The following TRPC6 variants were observed in gnomAD, a reference collection of about 807,000 sequenced individuals.
The protein encoded by TRPC6 is transient receptor potential cation channel subfamily C member 6.
TRPC6 carries 55 observed loss-of-function variants against 90.7 expected under a neutral mutation model. The ratio of observed to expected loss-of-function variants is 0.61; its 90% CI spans 0.49 to 0.76. The LOEUF is 0.76. TRPC6 is among the 30% of genes least tolerant of loss of function. The pLI is 0.00. For missense variants in TRPC6, 989 were observed against 1,122.7 expected, an observed-to-expected ratio of 0.88 and a Z score of 1.70; for synonymous variants, 393 against 393.0, an observed-to-expected ratio of 1.00 and a Z score of 0.00.
intron 1 of TRPC6, among the ~76,000 whole-genome samples, chr11:101,552,636 T>C (rs1861474285): frequency 6.6e-6 from 1 of 152,128 alleles, no homozygotes. Context: ...CAACAAATCC[T>C]ACAAGAAGTT....
At chr11:101,495,787 C>A (rs994218717) in intron 2 of TRPC6, among the ~76,000 whole-genome samples, 1 of 151,938 alleles carries the variant, frequency 6.6e-6, no homozygotes, top group Non-Finnish European at 1.5e-5. Flanking sequence ...CACAACAAAT[C>A]TTTTACACAC....
At chr11:101,565,989 C>T (rs994889541) in intron 1 of TRPC6, among the ~76,000 whole-genome samples, 2 of 152,114 alleles carry the variant, frequency 1.3e-5, no homozygotes, top group South Asian at 2.1e-4. Flanking sequence ...ATTTAATGCA[C>T]AGCACTCTTT....
In TRPC6 at chr11:101,483,032, C is replaced by T. The variant is rs1419291323; in HGVS notation, c.1427G>A (p.Ser476Asn). Reference protein sequence around the residue: ...EGTKLLPNETSTDNAKQLFRM... With the variant: ...EGTKLLPNETNTDNAKQLFRM... The stretch of plus-strand genomic sequence containing the variant: ...GAACAGCTGTTTTGCATTATCTGTG[C>T]TGGTTTCATTAGGAAGGAGTTTTGT... Residue 476 changes from serine (S) to asparagine (N), a missense_variant, in exon 5 of 13, where the codon AGC becomes AAC. This residue lies in a region of TRPC6 where 486 missense variants were observed against 591.9 expected (regional missense o/e 0.82). Coordinates refer to ENST00000344327, the MANE Select transcript of TRPC6 (RefSeq NM_004621.6). 20 of 1,614,018 alleles carry T rather than the reference C, an allele frequency of 1.2e-5. No homozygotes were observed. The Middle Eastern group carries it at 4.9e-4, about 40-fold the overall frequency.
chr11:101,471,041 G>T, intron 9 of TRPC6, 142 bp downstream of exon 9: 1 of 767,244 alleles, frequency 1.3e-6, no homozygotes, highest in Non-Finnish European at 2.2e-6. Context: ...ACAAGCCAAA[G>T]GACTGTGCTG....
chr11:101,523,856 A>T (rs1329746907), intron 1 of TRPC6, among the ~76,000 whole-genome samples: 1 of 152,370 alleles, frequency 6.6e-6, no homozygotes, highest in Middle Eastern at 3.4e-3. Context: ...GCAAAAAATG[A>T]TTCAGAATGG....
intron 1 of TRPC6, among the ~76,000 whole-genome samples, chr11:101,529,489 T>C (rs1056797093): frequency 2.6e-5 from 4 of 152,218 alleles, no homozygotes; most frequent in African/African-American, 9.6e-5. Context: ...TACATAGTAC[T>C]TCAAAATTGT....
intron 1 of TRPC6, among the ~76,000 whole-genome samples, chr11:101,557,729 C>T (rs997452495): frequency 1.3e-5 from 2 of 151,796 alleles, no homozygotes; most frequent in Non-Finnish European, 2.9e-5. Flanking sequence ...CAAAGAACTA[C>T]CCAAAAAAAG....
At chr11:101,576,502 C>T (rs924652916) in intron 1 of TRPC6, among the ~76,000 whole-genome samples, 1 of 152,178 alleles carries the variant, frequency 6.6e-6, no homozygotes, top group Non-Finnish European at 1.5e-5. Flanking sequence ...GTTCCAATGG[C>T]TTAAAGCCTC....
At chr11:101,472,097 A>G (rs777436457) in intron 8 of TRPC6, 40 bp downstream of exon 8, 1 of 1,595,638 alleles carries the variant, frequency 6.3e-7, no homozygotes, top group South Asian at 1.1e-5. Context: ...AATAGTTAAA[A>G]CATGAAGGCA....
rs150996055 is a variant in TRPC6, at chr11:101,534,344, C to T, written c.171-29546G>A. Reference sequence around the variant, plus strand: ...AGAGGTGGAGTTTCACCATGTTGGCCAGGCTGGTCTCGAACTCCTGACCTC... The same window carrying T: ...AGAGGTGGAGTTTCACCATGTTGGCTAGGCTGGTCTCGAACTCCTGACCTC... On this transcript the variant is annotated intron_variant, in intron 1 of 12. Coordinates refer to ENST00000344327, the MANE Select transcript of TRPC6 (RefSeq NM_004621.6). 8.8e-3 allele frequency among the ~76,000 whole-genome samples: 1,346 copies of T among 152,234 alleles called. 20 individuals are homozygous for T. The highest frequency in any genetic ancestry group is 0.031 in the African/African-American group (1,304 of 41,536).
At chr11:101,514,009 A>G (rs1396124833) in intron 1 of TRPC6, among the ~76,000 whole-genome samples, 1 of 152,238 alleles carries the variant, frequency 6.6e-6, no homozygotes, top group Non-Finnish European at 1.5e-5. Context: ...TGTGTAACAG[A>G]GTACATGGAT....
intron 2 of TRPC6, among the ~76,000 whole-genome samples, chr11:101,495,270 T>C (rs1039129282): frequency 1.3e-5 from 2 of 152,184 alleles, no homozygotes; most frequent in African/African-American, 4.8e-5. Context: ...TTTTAAATAA[T>C]AGATGTTATG....
At chr11:101,479,032 T>A (rs1393566089) in intron 5 of TRPC6, among the ~76,000 whole-genome samples, 2 of 152,106 alleles carry the variant, frequency 1.3e-5, no homozygotes, top group Non-Finnish European at 2.9e-5. Flanking sequence ...AATGGGGCCC[T>A]CTGAATAAAC....
At chr11:101,489,441 CA>C (rs1266222406) in intron 3 of TRPC6, among the ~76,000 whole-genome samples, 3 of 152,014 alleles carry the variant, frequency 2.0e-5, no homozygotes, top group Admixed American at 1.3e-4. Flanking sequence ...AGAAAGAGAT[CA>C]ATATTAACTC....
chr11:101,561,658 C>T (rs749731881), intron 1 of TRPC6, among the ~76,000 whole-genome samples: 1 of 151,978 alleles, frequency 6.6e-6, no homozygotes, highest in African/African-American at 2.4e-5. Flanking sequence ...CTCTCTTCTA[C>T]TCAGGAAACA....
chr11:101,499,571 A>G (rs1860038110), intron 2 of TRPC6, among the ~76,000 whole-genome samples: 1 of 113,798 alleles, frequency 8.8e-6, no homozygotes, highest in Admixed American at 8.6e-5. Flanking sequence ...ATATACATAA[A>G]TGGTGTATAT....
rs1370900018 is a variant in TRPC6, at chr11:101,549,767, G to C, written c.170+33567C>G. ...AATAAATAAAATAAAATAAAATTGAGAAAGAACTATTATGGCCCTAATAGA... is the reference window on the plus strand; with the variant it reads ...AATAAATAAAATAAAATAAAATTGACAAAGAACTATTATGGCCCTAATAGA... On this transcript the variant is annotated intron_variant, in intron 1 of 12. Transcript: ENST00000344327. 2.0e-5 allele frequency among the ~76,000 whole-genome samples: 3 copies of C among 150,990 alleles called. No individual in the cohort carries two copies. In the East Asian group the frequency reaches 5.8e-4, roughly 29 times the overall value.
At chr11:101,509,973 C>T (rs1211433489) in intron 1 of TRPC6, among the ~76,000 whole-genome samples, 1 of 152,046 alleles carries the variant, frequency 6.6e-6, no homozygotes. Flanking sequence ...ACAGCAGGCA[C>T]AATGAATTTT....
chr11:101,482,973 T>A lies in TRPC6; in HGVS notation c.1486A>T (p.Met496Leu). 1 of 1,613,968 alleles carries A rather than the reference T, an allele frequency of 6.2e-7. No individual in the cohort carries two copies. Among genetic ancestry groups the A allele is most frequent in the East Asian group, 2.2e-5 (1 of 44,882 alleles). The change falls in exon 5 of 13, where the codon ATG becomes TTG. Residue 496 changes from methionine (M) to leucine (L), a missense_variant. Coordinates refer to ENST00000344327, the MANE Select transcript of TRPC6 (RefSeq NM_004621.6). ...MKTSCFSWME[M>L]LIISWVIGMI... ...CCTATTACCCAGGATATAATGAGCA[T>A]CTCCATCCATGAGAAGCAGGATGTT...
Sources: gnomAD v4.1 joint callset for allele counts (sites outside exome capture counted in the v4.1 genomes callset) on GRCh38, gnomAD v4.1.1 for gene constraint, gnomAD v4.1.1 regional missense constraint, MANE v1.5 for transcripts, NCBI Gene and HGNC (gene_info 2026-07-23, HGNC 2026-07-21) for gene names.